PTPRD: variants seen among roughly 807,000 people sequenced by gnomAD.
PTPRD encodes protein tyrosine phosphatase receptor type D.
Under a neutral mutation model 214.5 loss-of-function variants are expected in PTPRD, and 34 were observed. The observed-to-expected ratio is 0.16, with a 90% confidence interval of 0.12 to 0.21. PTPRD has a LOEUF of 0.21. Ranked by LOEUF, PTPRD falls within the 10% of genes least tolerant of loss-of-function variation. The probability of loss-of-function intolerance (pLI) is 1.00; values close to 1 mark genes in which losing one functional copy is unlikely to be tolerated. For synonymous variants in PTPRD, 1,128 were observed against 845.7 expected, an observed-to-expected ratio of 1.33 and a Z score of -5.79; for missense variants, 2,545 against 2,398.7, an observed-to-expected ratio of 1.06 and a Z score of -1.27.
At chr9:9,716,147 T>A (rs1301857156) in intron 7 of PTPRD, among the ~76,000 whole-genome samples, 2 of 152,196 alleles carry the variant, frequency 1.3e-5, no homozygotes, top group Non-Finnish European at 2.9e-5. Context: ...AATGATTATT[T>A]CCAATTTCCT....
chr9:10,207,915 T>A (rs1202122285), intron 3 of PTPRD, among the ~76,000 whole-genome samples: 1 of 152,216 alleles, frequency 6.6e-6, no homozygotes, highest in Non-Finnish European at 1.5e-5. Flanking sequence ...AATTTACCTA[T>A]GTTGCTACAT....
At chr9:9,262,594 A>G (rs779649557) in intron 9 of PTPRD, among the ~76,000 whole-genome samples, 10 of 151,546 alleles carry the variant, frequency 6.6e-5, no homozygotes, top group Non-Finnish European at 1.3e-4. Flanking sequence ...AATATAAATG[A>G]GTAAAAAAAA....
intron 8 of PTPRD, among the ~76,000 whole-genome samples, chr9:9,497,683 T>C (rs2096251214): frequency 6.6e-6 from 1 of 152,142 alleles, no homozygotes; most frequent in Non-Finnish European, 1.5e-5. Context: ...CATTATCTCA[T>C]TTATAGAGAT....
intron 12 of PTPRD, among the ~76,000 whole-genome samples, chr9:8,651,559 T>G (rs1213714323): frequency 2.0e-5 from 3 of 152,202 alleles, no homozygotes; most frequent in East Asian, 1.9e-4. Flanking sequence ...GTAGTTCTTT[T>G]GCTTTTTTTC....
intron 5 of PTPRD, among the ~76,000 whole-genome samples, chr9:9,849,925 ATC>A (rs2060230521): frequency 6.6e-6 from 1 of 152,116 alleles, no homozygotes; most frequent in Admixed American, 6.6e-5. Flanking sequence ...GCGGAATAAG[ATC>A]TGTTAACTCA....
At chr9:9,589,979 A>T (rs2092547879) in intron 7 of PTPRD, among the ~76,000 whole-genome samples, 1 of 151,976 alleles carries the variant, frequency 6.6e-6, no homozygotes. Flanking sequence ...GATTCTCATT[A>T]TGATTCCTCT....
intron 9 of PTPRD, among the ~76,000 whole-genome samples, chr9:9,364,342 C>T (rs1309266195): frequency 6.6e-6 from 1 of 151,396 alleles, no homozygotes; most frequent in African/African-American, 2.4e-5. Context: ...GAAGTGCTTA[C>T]ATTCTAATGG....
intron 9 of PTPRD, among the ~76,000 whole-genome samples, chr9:9,256,912 G>A (rs937303416): frequency 6.6e-6 from 1 of 151,810 alleles, no homozygotes; most frequent in African/African-American, 2.4e-5. Flanking sequence ...TCCCTTCCAG[G>A]AATCAAGTTG....
At chr9:9,799,858 A>G (rs966418937) in intron 5 of PTPRD, among the ~76,000 whole-genome samples, 2 of 152,104 alleles carry the variant, frequency 1.3e-5, no homozygotes, top group African/African-American at 4.8e-5. Context: ...CTAGGTGGAG[A>G]GCTTTCTTTT....
chr9:10,031,596 C>T (rs1173765686), intron 4 of PTPRD, among the ~76,000 whole-genome samples: 1 of 135,918 alleles, frequency 7.4e-6, no homozygotes, highest in Non-Finnish European at 1.5e-5. Flanking sequence ...ACCTTGTGAT[C>T]ATGTACATTA....
intron 3 of PTPRD, among the ~76,000 whole-genome samples, chr9:10,101,791 C>A (rs1272808446): frequency 6.6e-6 from 1 of 151,636 alleles, no homozygotes; most frequent in South Asian, 2.1e-4. Context: ...ATCATAAATC[C>A]TAGCCACAGC....
chr9:10,294,532 C>T (rs939919851), intron 3 of PTPRD, among the ~76,000 whole-genome samples: 1 of 151,882 alleles, frequency 6.6e-6, no homozygotes, highest in Non-Finnish European at 1.5e-5. Flanking sequence ...AACAGTCAAA[C>T]TCCTAAAAAA....
At chr9:8,428,932 G>A (rs990838032) in intron 35 of PTPRD, among the ~76,000 whole-genome samples, 1 of 152,138 alleles carries the variant, frequency 6.6e-6, no homozygotes, top group Non-Finnish European at 1.5e-5. Context: ...AGGGAAAATA[G>A]AAATGTTTTC....
chr9:9,344,379 C>G (rs534573815), intron 9 of PTPRD, among the ~76,000 whole-genome samples: 3 of 151,752 alleles, frequency 2.0e-5, no homozygotes, highest in Non-Finnish European at 4.4e-5. Flanking sequence ...CTAATGCATG[C>G]GGGGCTTAAA....
At chr9:10,187,531 G>A (rs1471948124) in intron 3 of PTPRD, among the ~76,000 whole-genome samples, 1 of 152,094 alleles carries the variant, frequency 6.6e-6, no homozygotes, top group Non-Finnish European at 1.5e-5. Flanking sequence ...TTTGAACTTG[G>A]CCTTTCGAAT....
chr9:10,093,033 T>C (rs141261563), intron 3 of PTPRD, among the ~76,000 whole-genome samples: 6 of 151,748 alleles, frequency 4.0e-5, no homozygotes, highest in Admixed American at 6.6e-5. Flanking sequence ...TGTCTCAACA[T>C]TGGCTTTGGC....
chr9:9,959,788 C>T (rs900182511), intron 4 of PTPRD, among the ~76,000 whole-genome samples: 2 of 152,082 alleles, frequency 1.3e-5, no homozygotes, highest in African/African-American at 4.8e-5. Context: ...GCAGATAGAA[C>T]CAGCAGTGAG....
chr9:9,992,068 C>T (rs1180202735), intron 4 of PTPRD, among the ~76,000 whole-genome samples: 1 of 152,052 alleles, frequency 6.6e-6, no homozygotes, highest in African/African-American at 2.4e-5. Flanking sequence ...AAAGTAGATT[C>T]GTGATTGTCT....
chr9:9,790,123 C>A (rs543248257), intron 5 of PTPRD, among the ~76,000 whole-genome samples: 1 of 152,248 alleles, frequency 6.6e-6, no homozygotes, highest in African/African-American at 2.4e-5. Context: ...GGCTGGGAAT[C>A]TAGACTGTAC....
Sources: allele counts gnomAD v4.1 joint callset (sites outside exome capture counted in the v4.1 genomes callset), GRCh38; gene constraint gnomAD v4.1.1; transcripts MANE v1.5; gene names NCBI Gene and HGNC (gene_info 2026-07-23, HGNC 2026-07-21).